LYRM7: variants seen among roughly 807,000 people sequenced by gnomAD.
LYRM7 encodes the protein complex III assembly factor LYRM7.
LYRM7 carries 9 observed loss-of-function variants against 15.8 expected under a neutral mutation model. That is an observed-to-expected ratio of 0.57 (90% CI 0.34 to 0.99). The LOEUF (loss-of-function observed/expected upper bound fraction) is 0.99. Among genes scored for constraint, LYRM7 ranks in the 50% least tolerant of loss-of-function variants. The pLI is 0.02. For missense variants in LYRM7, 115 were observed against 119.1 expected, an observed-to-expected ratio of 0.97 and a Z score of 0.16; for synonymous variants, 39 against 39.4, an observed-to-expected ratio of 0.99 and a Z score of 0.04.
In LYRM7 at chr5:131,199,593, A is replaced by G; in HGVS notation, c.307A>G (p.Lys103Glu). 1 of 1,601,398 alleles carries G rather than the reference A, an allele frequency of 6.2e-7. No homozygotes were observed. The highest frequency in any genetic ancestry group is 8.5e-7 in the Non-Finnish European group (1 of 1,173,232). The change falls in exon 5 of 5, where the codon AAG becomes GAG. Residue 103 changes from lysine (K) to glutamate (E), a missense_variant. Physicochemically the swap from Lys to Glu is moderately conservative, Grantham distance 56. Coordinates refer to ENST00000379380, the MANE Select transcript of LYRM7 (RefSeq NM_181705.4). ...NVPYCDAPTQ[K>E]Q is the part of the protein sequence containing the mutation. ...GCCATATTGTGATGCACCAACTCAG[A>G]AGCAATGAGTTTTCTAGAATACAAC... is the stretch of plus-strand genomic sequence containing the variant.
chr5:131,180,271 T>A, intron 2 of LYRM7, 104 bp downstream of exon 2: 3 of 650,646 alleles, frequency 4.6e-6, no homozygotes, highest in Non-Finnish European at 5.4e-6. Flanking sequence ...GGAATGACCT[T>A]CACTACCTCT....
intron 4 of LYRM7, among the ~76,000 whole-genome samples, chr5:131,189,169 G>A (rs1167216799): frequency 2.7e-5 from 4 of 147,454 alleles, no homozygotes; most frequent in East Asian, 4.1e-4. Context: ...AAGGCCAGGC[G>A]TGGTGGCTCA....
chr5:131,182,381 A>G, intron 3 of LYRM7, 82 bp downstream of exon 3: 1 of 1,185,250 alleles, frequency 8.4e-7, no homozygotes, highest in Non-Finnish European at 1.1e-6. Flanking sequence ...GGGGTTATGT[A>G]AAATAAAAAC....
chr5:131,197,912 T>A (rs1277397569), intron 4 of LYRM7, among the ~76,000 whole-genome samples: 1 of 151,690 alleles, frequency 6.6e-6, no homozygotes, highest in Non-Finnish European at 1.5e-5. Flanking sequence ...AAAACCTTTT[T>A]ATTTTGAAAT....
At chr5:131,190,653 G>C (rs769050902) in intron 4 of LYRM7, among the ~76,000 whole-genome samples, 1 of 151,822 alleles carries the variant, frequency 6.6e-6, no homozygotes. Context: ...ACCACGCCCA[G>C]CTAATTTTTG....
At chr5:131,179,944 A>AAT in intron 1 of LYRM7, 151 bp from the exon 2 acceptor site, 1 of 453,978 alleles carries the variant, frequency 2.2e-6, no homozygotes, top group Non-Finnish European at 4.0e-6. Flanking sequence ...TCAAAAAAAA[A>AAT]TTTTTTTTTT....
intron 3 of LYRM7, among the ~76,000 whole-genome samples, chr5:131,186,101 G>C (rs1216227863): frequency 6.6e-6 from 1 of 152,168 alleles, no homozygotes; most frequent in Non-Finnish European, 1.5e-5. Flanking sequence ...GTAGTGTTTT[G>C]AAAGTAATTT....
At chr5:131,182,414 T>C in intron 3 of LYRM7, 115 bp downstream of exon 3, 1 of 998,474 alleles carries the variant, frequency 1.0e-6, no homozygotes, top group Non-Finnish European at 1.3e-6. Flanking sequence ...GTTAAGGCCA[T>C]CACAACTGTA....
At chr5:131,186,054 A>G (rs1476710848) in intron 3 of LYRM7, among the ~76,000 whole-genome samples, 2 of 152,212 alleles carry the variant, frequency 1.3e-5, no homozygotes, top group Non-Finnish European at 2.9e-5. Flanking sequence ...TGATGGAGAA[A>G]GCTCTACTGC....
chr5:131,192,220 T>A (rs1755898599), intron 4 of LYRM7, among the ~76,000 whole-genome samples: 1 of 152,124 alleles, frequency 6.6e-6, no homozygotes, highest in Admixed American at 6.6e-5. Flanking sequence ...ATGTGGAACC[T>A]AAAAAAGTTC....
intron 3 of LYRM7, 56 bp from the exon 4 acceptor site, chr5:131,186,972 T>C: frequency 1.0e-6 from 1 of 957,318 alleles, no homozygotes; most frequent in Non-Finnish European, 1.6e-6. Flanking sequence ...TCAAAAACAG[T>C]ACATTCATAT....
intron 2 of LYRM7, among the ~76,000 whole-genome samples, chr5:131,181,275 GAAAAAAAAAAAAAAAAA>G (rs1195878324): frequency 1.2e-4 from 1 of 8,336 alleles, no homozygotes; most frequent in African/African-American, 2.6e-4. Flanking sequence ...GACTCCATCT[GAAAAAAAAAAAAAAAAA>G]AAAAAAAAAA....
rs1220248272 is a variant in LYRM7, at chr5:131,204,744, G to GTGTGTGTGTGTT, written c.*5154_*5155insTTGTGTGTGTGT. 6.7e-5 allele frequency: 10 copies of GTGTGTGTGTGTT among 148,442 alleles called. No individual in the cohort carries two copies. The highest frequency in any genetic ancestry group is 2.2e-4 in the African/African-American group (9 of 40,234). 9.2% of individuals were successfully genotyped at this position (148,442 alleles called of 1,614,324 possible). On this transcript the variant is annotated 3_prime_UTR_variant, in exon 5 of 5. Coordinates refer to ENST00000379380, the MANE Select transcript of LYRM7 (RefSeq NM_181705.4). ...CATTTCAGAAAACGGATGTTCATTTGTGTGTGTGTGTGTGTGTAAGCAGGT... is the reference window on the plus strand; with the variant it reads ...CATTTCAGAAAACGGATGTTCATTTGTGTGTGTGTGTTTGTGTGTGTGTGTGTGTAAGCAGGT...
At chr5:131,188,851 A>G (rs1027490729) in intron 4 of LYRM7, among the ~76,000 whole-genome samples, 4 of 152,122 alleles carry the variant, frequency 2.6e-5, no homozygotes. Context: ...CTTTCTTCCA[A>G]AAGCTTTATT....
chr5:131,187,308 A>G (rs556054292), intron 4 of LYRM7, among the ~76,000 whole-genome samples, 199 bp downstream of exon 4: 15 of 152,070 alleles, frequency 9.9e-5, no homozygotes, highest in Non-Finnish European at 1.9e-4. Flanking sequence ...TTCAATTTTT[A>G]TTTTTTATTT....
chr5:131,172,365 A>G (rs1755536477), intron 1 of LYRM7, among the ~76,000 whole-genome samples: 1 of 152,232 alleles, frequency 6.6e-6, no homozygotes, highest in African/African-American at 2.4e-5. Context: ...GTGAGCCGAG[A>G]CTGCGCCACT....
At chr5:131,173,777 C>T (rs1026217143) in intron 1 of LYRM7, among the ~76,000 whole-genome samples, 6 of 152,238 alleles carry the variant, frequency 3.9e-5, no homozygotes, top group Non-Finnish European at 7.4e-5. Flanking sequence ...GAAGTACATA[C>T]CTTAAATAAA....
At chr5:131,171,680 A>C (rs1384305513) in intron 1 of LYRM7, 10 of 152,220 alleles carry the variant, frequency 6.6e-5, no homozygotes, top group African/African-American at 2.4e-4. Flanking sequence ...ATTGGCAGCC[A>C]TCCTTTAACG....
intron 4 of LYRM7, among the ~76,000 whole-genome samples, chr5:131,187,864 G>A (rs980974445): frequency 6.6e-6 from 1 of 152,030 alleles, no homozygotes; most frequent in Non-Finnish European, 1.5e-5. Context: ...ATCATATCTC[G>A]AGACTCCAGA....
Sources: gnomAD v4.1 joint callset for allele counts (sites outside exome capture counted in the v4.1 genomes callset) on GRCh38, gnomAD v4.1.1 for gene constraint, MANE v1.5 for transcripts, NCBI Gene and HGNC (gene_info 2026-07-23, HGNC 2026-07-21) for gene names.